Variants in QTMAN observed in about 807,000 individuals in gnomAD.
QTMAN encodes the protein queuosine-tRNA mannosyltransferase.
chr2:144,144,039 C>A, the QTMAN span, among the ~76,000 whole-genome samples: 1 of 151,954 alleles, frequency 6.6e-6, no homozygotes, highest in Admixed American at 6.6e-5. Context: ...AAGAAGCCAA[C>A]TGATGATGAA....
At chr2:143,981,859 A>T in the QTMAN span, among the ~76,000 whole-genome samples, 1 of 152,320 alleles carries the variant, frequency 6.6e-6, no homozygotes, top group African/African-American at 2.4e-5. Flanking sequence ...TCATTTTATA[A>T]ACAGAATTAA....
the QTMAN span, among the ~76,000 whole-genome samples, chr2:144,052,539 T>G: frequency 6.6e-6 from 1 of 152,222 alleles, no homozygotes; most frequent in Non-Finnish European, 1.5e-5. Flanking sequence ...ATGAGGAAAC[T>G]GAGACACAGA....
the QTMAN span, among the ~76,000 whole-genome samples, chr2:144,080,859 C>A: frequency 1.3e-5 from 2 of 152,114 alleles, no homozygotes; most frequent in African/African-American, 4.8e-5. Context: ...CATGTTGGAT[C>A]AAACACTAAG....
the QTMAN span, among the ~76,000 whole-genome samples, chr2:144,064,364 G>C: frequency 2.0e-5 from 3 of 152,172 alleles, no homozygotes; most frequent in Non-Finnish European, 4.4e-5. Flanking sequence ...CATTCAATCT[G>C]CATGGAAAGA....
chr2:143,995,784 A>C, the QTMAN span, among the ~76,000 whole-genome samples: 1 of 152,194 alleles, frequency 6.6e-6, no homozygotes, highest in Non-Finnish European at 1.5e-5. Flanking sequence ...GATAACTCCC[A>C]AATTTCTGTC....
the QTMAN span, among the ~76,000 whole-genome samples, chr2:144,199,596 G>A: frequency 6.6e-6 from 1 of 152,086 alleles, no homozygotes; most frequent in African/African-American, 2.4e-5. Context: ...GAAGATAGAA[G>A]CACTGTTAAC....
the QTMAN span, chr2:144,210,829 C>T: frequency 6.6e-6 from 1 of 152,158 alleles, no homozygotes; most frequent in African/African-American, 2.4e-5. Context: ...TACTTGATCA[C>T]ATCGTAGATA....
At chr2:144,329,796 T>A in the QTMAN span, among the ~76,000 whole-genome samples, 1 of 152,228 alleles carries the variant, frequency 6.6e-6, no homozygotes, top group African/African-American at 2.4e-5. Context: ...TCAAGTTTAC[T>A]ATATCATGAT....
At chr2:144,108,057 C>T in the QTMAN span, among the ~76,000 whole-genome samples, 2 of 152,146 alleles carry the variant, frequency 1.3e-5, no homozygotes, top group Non-Finnish European at 2.9e-5. Flanking sequence ...TTCAACAGCC[C>T]TTCATGCTAA....
the QTMAN span, among the ~76,000 whole-genome samples, chr2:144,055,237 T>C: frequency 1.3e-5 from 2 of 151,984 alleles, no homozygotes; most frequent in East Asian, 1.9e-4. Flanking sequence ...ATTCAGGTAA[T>C]GGATTACTTT....
chr2:144,283,007 C>T, the QTMAN span, among the ~76,000 whole-genome samples: 5 of 152,150 alleles, frequency 3.3e-5, no homozygotes, highest in Admixed American at 6.5e-5. Flanking sequence ...GAAGTTGCTG[C>T]GCCCAGGACC....
the QTMAN span, among the ~76,000 whole-genome samples, chr2:144,091,157 A>G: frequency 1.3e-5 from 2 of 152,190 alleles, no homozygotes; most frequent in South Asian, 2.1e-4. Flanking sequence ...TTGGATATCT[A>G]TATGTTAAAA....
the QTMAN span, among the ~76,000 whole-genome samples, chr2:144,197,539 T>G: frequency 6.6e-6 from 1 of 152,140 alleles, no homozygotes; most frequent in Non-Finnish European, 1.5e-5. Context: ...TTTAAAATAA[T>G]TATAACCACT....
the QTMAN span, among the ~76,000 whole-genome samples, chr2:144,055,842 G>C: frequency 6.6e-6 from 1 of 152,166 alleles, no homozygotes; most frequent in African/African-American, 2.4e-5. Context: ...CTGACCATCA[G>C]GTAGAAACAA....
At chr2:144,006,607 A>G in the QTMAN span, 1 of 152,222 alleles carries the variant, frequency 6.6e-6, no homozygotes, top group Middle Eastern at 3.4e-3. Flanking sequence ...TTATTTGGTG[A>G]GATCACATAC....
chr2:144,098,433 G>A, the QTMAN span, among the ~76,000 whole-genome samples: 1 of 152,272 alleles, frequency 6.6e-6, no homozygotes, highest in Admixed American at 6.5e-5. Flanking sequence ...AAGGAGTCAA[G>A]GCCGGGTGCA....
the QTMAN span, among the ~76,000 whole-genome samples, chr2:144,001,327 T>C: frequency 6.6e-6 from 1 of 151,954 alleles, no homozygotes; most frequent in Non-Finnish European, 1.5e-5. Flanking sequence ...TTCAATCTTA[T>C]GGTACATGTT....
chr2:144,011,238 G>A, the QTMAN span, among the ~76,000 whole-genome samples: 4 of 152,062 alleles, frequency 2.6e-5, no homozygotes, highest in African/African-American at 4.8e-5. Flanking sequence ...GAAGGCAGAA[G>A]CTGAAACACT....
the QTMAN span, among the ~76,000 whole-genome samples, chr2:144,101,473 T>C: frequency 1.3e-5 from 2 of 152,148 alleles, no homozygotes; most frequent in Admixed American, 1.3e-4. Context: ...TGAAATGATA[T>C]GCTTACCCCA....
Sources: gnomAD v4.1 joint callset for allele counts (sites outside exome capture counted in the v4.1 genomes callset) on GRCh38, gnomAD v4.1.1 for gene constraint, MANE v1.5 for transcripts, NCBI Gene and HGNC (gene_info 2026-07-23, HGNC 2026-07-21) for gene names.